Variants in FAM135A observed in about 807,000 individuals in gnomAD.
FAM135A encodes family with sequence similarity 135 member A, also known as protein FAM135A.
In FAM135A, 79 loss-of-function variants were observed where a neutral mutation model predicts 146.8. That is an observed-to-expected ratio of 0.54 (90% CI 0.45 to 0.65). The LOEUF is 0.65. Ranked by LOEUF, FAM135A falls within the 30% of genes least tolerant of loss-of-function variation. The pLI is 0.00. For synonymous variants in FAM135A, 562 were observed against 603.6 expected, an observed-to-expected ratio of 0.93 and a Z score of 1.01; for missense variants, 1,623 against 1,758.2, an observed-to-expected ratio of 0.92 and a Z score of 1.38.
intron 5 of FAM135A, among the ~76,000 whole-genome samples, chr6:70,454,564 C>T (rs1262186458): frequency 2.0e-5 from 3 of 152,040 alleles, no homozygotes; most frequent in Admixed American, 2.0e-4. Flanking sequence ...GTCTTTAATC[C>T]ATCTTGAATT....
rs947120064 is a variant in FAM135A, at chr6:70,559,993, T to C, written c.*72T>C. ...TTTCAAATAATGTATTATATTAAAA[T>C]GTAGATGCTGATAAGTTCTAAGAAA... On this transcript the variant is annotated 3_prime_UTR_variant, in exon 22 of 22. Coordinates refer to ENST00000418814, the MANE Select transcript of FAM135A (RefSeq NM_001162529.3). 8.4e-7 allele frequency: 1 copy of C among 1,186,220 alleles called. No individual in the cohort carries two copies. The highest frequency in any genetic ancestry group is 1.2e-6 in the Non-Finnish European group (1 of 839,622). The allele number at this position is 1,186,220 out of a possible 1,614,324, so 73.5% of individuals were successfully genotyped here. A position where few individuals can be genotyped will look rare whatever the true frequency, so the allele number is the denominator to read the frequency against.
intron 11 of FAM135A, among the ~76,000 whole-genome samples, chr6:70,496,861 C>T (rs1250236558): frequency 6.6e-6 from 1 of 151,298 alleles, no homozygotes; most frequent in Non-Finnish European, 1.5e-5. Flanking sequence ...TTCCATTGGT[C>T]TATGTATCTG....
chr6:70,442,017 A>G (rs1774619900), intron 4 of FAM135A, among the ~76,000 whole-genome samples: 1 of 152,162 alleles, frequency 6.6e-6, no homozygotes, highest in African/African-American at 2.4e-5. Flanking sequence ...TGCATCATTA[A>G]TGTATACTGA....
intron 2 of FAM135A, among the ~76,000 whole-genome samples, chr6:70,420,637 A>T (rs1051825349): frequency 6.6e-6 from 1 of 152,214 alleles, no homozygotes; most frequent in African/African-American, 2.4e-5. Context: ...GTATTCCTAG[A>T]CTATGCTATC....
At chr6:70,496,594 A>G (rs1787335429) in intron 11 of FAM135A, among the ~76,000 whole-genome samples, 1 of 152,132 alleles carries the variant, frequency 6.6e-6, no homozygotes, top group Admixed American at 6.6e-5. Context: ...CCGTGTCCTG[A>G]ATGGCATTGC....
intron 4 of FAM135A, among the ~76,000 whole-genome samples, chr6:70,449,375 T>C (rs771337752): frequency 6.6e-6 from 1 of 152,190 alleles, no homozygotes; most frequent in Non-Finnish European, 1.5e-5. Context: ...ACTGCAACTT[T>C]GTACTCTTTG....
intron 4 of FAM135A, among the ~76,000 whole-genome samples, chr6:70,443,637 A>G (rs996917658): frequency 3.9e-5 from 6 of 152,218 alleles, no homozygotes; most frequent in African/African-American, 1.4e-4. Context: ...GAGAATGGAT[A>G]TATTTTTGTA....
intron 12 of FAM135A, among the ~76,000 whole-genome samples, chr6:70,521,074 A>G (rs1399341311): frequency 7.9e-5 from 12 of 152,208 alleles, no homozygotes. Context: ...AATGAAGATA[A>G]TATCATCCTA....
Position 70,526,573 on chromosome 6 carries a change from T to A in FAM135A, c.3489T>A (p.Pro1163=). ...TCCCGTCTGCACCACGAGAGTCTCC[T>A]TGTAATGTTAAATATTCTTCCAAAA... ...LSFPSAPRES[P]CNVKYSSKSK... The change falls in exon 15 of 22, where the codon CCT becomes CCA. Residue 1163 remains proline, a synonymous_variant. Transcript: ENST00000418814. The A allele has an allele frequency of 6.2e-7, 1 of 1,613,704 alleles. No individual in the cohort carries two copies. The highest frequency in any genetic ancestry group is 1.1e-5 in the South Asian group (1 of 91,070).
At position 70,528,386 on chromosome 6, in the gene FAM135A, A is replaced by G. The variant is rs768899699; in HGVS notation, c.3709A>G (p.Ser1237Gly). The G allele has an allele frequency of 4.3e-6, 7 of 1,613,722 alleles. No homozygotes were observed. In the South Asian group the frequency reaches 7.7e-5, roughly 18 times the overall value. Residue 1237 changes from serine (S) to glycine (G), a missense_variant, in exon 16 of 22, where the codon AGT becomes GGT. Transcript: ENST00000418814. ...PLLASSVPYF[S>G]VEEEDGSEDG... is the part of the protein sequence containing the mutation. ...GCTGGCATCCTCAGTACCTTATTTTAGTGTAGAAGAAGAGGATGGTTCTGA... is the reference window on the plus strand; with the variant it reads ...GCTGGCATCCTCAGTACCTTATTTTGGTGTAGAAGAAGAGGATGGTTCTGA...
intron 20 of FAM135A, among the ~76,000 whole-genome samples, chr6:70,540,546 C>T (rs552181349): frequency 4.6e-5 from 7 of 152,028 alleles, no homozygotes; most frequent in Admixed American, 3.3e-4. Flanking sequence ...AGGCTGGTCT[C>T]GATCTCCTGA....
At chr6:70,500,395 G>C (rs993951228) in intron 11 of FAM135A, among the ~76,000 whole-genome samples, 2 of 152,068 alleles carry the variant, frequency 1.3e-5, no homozygotes, top group African/African-American at 4.8e-5. Flanking sequence ...CTTTTATCAA[G>C]GTTCTTAGCT....
intron 4 of FAM135A, among the ~76,000 whole-genome samples, chr6:70,442,623 A>G (rs1390651150): frequency 6.6e-6 from 1 of 152,134 alleles, no homozygotes; most frequent in Admixed American, 6.5e-5. Flanking sequence ...AAGGTAGCAT[A>G]GGATACATAC....
At chr6:70,536,114 A>G in intron 18 of FAM135A, 146 bp from the exon 19 acceptor site, 1 of 646,818 alleles carries the variant, frequency 1.5e-6, no homozygotes, top group Non-Finnish European at 2.5e-6. Context: ...AAAATGTGGT[A>G]TATCATTTCA....
intron 12 of FAM135A, chr6:70,504,030 A>G (rs1789163685): frequency 6.6e-6 from 1 of 152,244 alleles, no homozygotes; most frequent in African/African-American, 2.4e-5. Context: ...GTCATAGGTT[A>G]TGCATAACTT....
At chr6:70,535,821 C>T (rs1341377273) in intron 18 of FAM135A, 1 of 152,868 alleles carries the variant, frequency 6.5e-6, no homozygotes, top group African/African-American at 2.4e-5. Context: ...GAAGTATAGA[C>T]CAGAGAATAA....
chr6:70,475,842 A>C, intron 7 of FAM135A, 109 bp downstream of exon 7: 1 of 846,012 alleles, frequency 1.2e-6, no homozygotes, highest in South Asian at 1.8e-5. Flanking sequence ...TCTTGTCTTG[A>C]ACTACTTGTG....
In FAM135A at chr6:70,525,460, G is replaced by T; in HGVS notation, c.2376G>T (p.Val792=). The change falls in exon 15 of 22, where the codon GTG becomes GTT. Residue 792 remains valine (V), a synonymous_variant. Transcript: ENST00000418814. ...HPNTDLVFET[V]QGQGPCNSER... ...ACACTGATTTAGTCTTTGAAACTGT[G>T]CAAGGGCAAGGTCCTTGCAATAGTG... 1 of 1,613,308 alleles carries T rather than the reference G, an allele frequency of 6.2e-7. No individual in the cohort carries two copies. Among genetic ancestry groups the T allele is most frequent in the African/African-American group, 1.3e-5 (1 of 75,014 alleles).
intron 1 of FAM135A, chr6:70,414,102 C>T (rs928208767): frequency 4.2e-6 from 4 of 960,628 alleles, no homozygotes; most frequent in Admixed American, 6.2e-5. Context: ...GCGCCTCCCA[C>T]GTGTCTTTTT....
Sources: gnomAD v4.1 joint callset for allele counts (sites outside exome capture counted in the v4.1 genomes callset) on GRCh38, gnomAD v4.1.1 for gene constraint, MANE v1.5 for transcripts, NCBI Gene and HGNC (gene_info 2026-07-23, HGNC 2026-07-21) for gene names.